Variants in GRIK1 observed in about 807,000 individuals in gnomAD.
GRIK1 encodes the protein glutamate ionotropic receptor kainate type subunit 1.
In GRIK1, 69 loss-of-function variants were observed where a neutral mutation model predicts 105.7. The observed-to-expected ratio is 0.65, with a 90% CI of 0.54 to 0.80. GRIK1 has a LOEUF of 0.80. GRIK1 is among the 30% of genes least tolerant of loss of function. The pLI, the probability that GRIK1 is intolerant of heterozygous loss-of-function variation, is 0.00. For synonymous variants in GRIK1, 438 were observed against 431.3 expected (o/e 1.02, Z -0.19); for missense variants, 1,109 against 1,167.3 (o/e 0.95, Z 0.73).
At chr21:29,595,436 C>T (rs1017239373) in intron 9 of GRIK1, among the ~76,000 whole-genome samples, 1 of 151,058 alleles carries the variant, frequency 6.6e-6, no homozygotes, top group Non-Finnish European at 1.5e-5. Context: ...TCTACATGCA[C>T]TTAGTAGCCT....
chr21:29,844,378 G>A lies in GRIK1; in HGVS notation c.118+95005C>T, dbSNP rs73897873. Among the ~76,000 whole-genome samples the A allele has an allele frequency of 6.2e-3, 945 of 152,182 alleles. 12 individuals carry two copies. Among genetic ancestry groups the A allele is most frequent in the African/African-American group, 0.021 (877 of 41,524 alleles). On this transcript the variant is annotated intron_variant, in intron 1 of 17. Transcript: ENST00000327783. ...AAACTCTCAGCTGGGGTCTACATAC[G>A]CCAGTAAAGAAAGGCCTCAAGCCCC...
chr21:29,608,802 C>T (rs947609720), intron 7 of GRIK1, among the ~76,000 whole-genome samples: 12 of 152,106 alleles, frequency 7.9e-5, no homozygotes, highest in African/African-American at 2.4e-4. Flanking sequence ...ATTGGCACTT[C>T]AAACAGTCAT....
chr21:29,774,659 C>T (rs1234677651), intron 1 of GRIK1, among the ~76,000 whole-genome samples: 1 of 151,972 alleles, frequency 6.6e-6, no homozygotes, highest in African/African-American at 2.4e-5. Context: ...ACCATATTGG[C>T]CAGGCTGGTC....
intron 1 of GRIK1, among the ~76,000 whole-genome samples, chr21:29,781,146 G>A (rs929169993): frequency 1.3e-5 from 2 of 152,020 alleles, no homozygotes; most frequent in South Asian, 2.1e-4. Context: ...ATGCACACAC[G>A]TATACACAAA....
intron 11 of GRIK1, among the ~76,000 whole-genome samples, chr21:29,588,575 A>G (rs2061282019): frequency 6.6e-6 from 1 of 152,186 alleles, no homozygotes; most frequent in South Asian, 2.1e-4. Context: ...TGTCAATTAA[A>G]TCTCTCCTTT....
intron 4 of GRIK1, among the ~76,000 whole-genome samples, chr21:29,655,363 G>A (rs370188151): frequency 6.5e-4 from 99 of 151,812 alleles, no homozygotes; most frequent in African/African-American, 2.2e-3. Flanking sequence ...AGCCCAGACT[G>A]TACCATTGCA....
chr21:29,575,583 C>T (rs1008727618), intron 14 of GRIK1, among the ~76,000 whole-genome samples: 1 of 152,048 alleles, frequency 6.6e-6, no homozygotes, highest in Non-Finnish European at 1.5e-5. Context: ...CTTGCAATTC[C>T]AGGACTTTGG....
chr21:29,693,974 T>C lies in GRIK1; in HGVS notation c.208A>G (p.Thr70Ala). 2 of 1,612,164 alleles carry C rather than the reference T, an allele frequency of 1.2e-6. No individual in the cohort carries two copies. The highest frequency in any genetic ancestry group is 3.3e-5 in the Admixed American group (2 of 60,006). Residue 70 changes from threonine (T) to alanine (A), a missense_variant, in exon 2 of 18, where the codon ACC (threonine) becomes GCC (alanine). Physicochemically the swap from Thr to Ala is moderately conservative, Grantham distance 58. This residue lies in a region of GRIK1 where 612 missense variants were observed against 586.0 expected (regional missense o/e 1.04). Coordinates refer to ENST00000327783, the MANE Select transcript of GRIK1 (RefSeq NM_001330994.2). The part of the protein sequence containing the change: ...FAVTSINRNR[T>A]LMPNTTLTYD... ...GTTAATGTGGTGTTAGGCATCAGGGTTCGGTTTCTGTTAATGCTGGTGACT... is the reference window on the plus strand; with the variant it reads ...GTTAATGTGGTGTTAGGCATCAGGGCTCGGTTTCTGTTAATGCTGGTGACT...
intron 1 of GRIK1, among the ~76,000 whole-genome samples, chr21:29,695,379 G>A (rs2063674749): frequency 1.3e-5 from 2 of 152,096 alleles, no homozygotes; most frequent in South Asian, 4.2e-4. Flanking sequence ...GTTAACTGAT[G>A]CTCATGGAAT....
chr21:29,698,451 GC>G (rs2063752048), intron 1 of GRIK1, among the ~76,000 whole-genome samples: 1 of 152,304 alleles, frequency 6.6e-6, no homozygotes, highest in Non-Finnish European at 1.5e-5. Flanking sequence ...TGAAGAACAA[GC>G]TTTTTCATTC....
intron 13 of GRIK1, 83 bp from the exon 14 acceptor site, chr21:29,577,264 G>A: frequency 1.3e-6 from 1 of 754,036 alleles, no homozygotes; most frequent in Non-Finnish European, 2.3e-6. Context: ...ATTCTAGGAA[G>A]ATCAACCTGT....
At chr21:29,579,415 A>T (rs577904239) in intron 13 of GRIK1, among the ~76,000 whole-genome samples, 2 of 152,316 alleles carry the variant, frequency 1.3e-5, no homozygotes, top group East Asian at 3.9e-4. Context: ...ACTAGAAAAT[A>T]TTTGGGATGA....
intron 1 of GRIK1, among the ~76,000 whole-genome samples, chr21:29,925,164 G>T (rs1311635120): frequency 1.3e-5 from 2 of 152,170 alleles, no homozygotes; most frequent in Non-Finnish European, 2.9e-5. Context: ...TTGATCGTAG[G>T]TATGCTATCT....
At chr21:29,707,450 C>CCCTTCCTTCCTTCCTTCCTT (rs1555875923) in intron 1 of GRIK1, among the ~76,000 whole-genome samples, 6 of 71,548 alleles carry the variant, frequency 8.4e-5, no homozygotes, top group African/African-American at 1.1e-4. Context: ...CTCCCTCCCT[C>CCCTTCCTTCCTTCCTTCCTT]CCTCCCTCCC....
At chr21:29,676,111 A>G (rs1443950177) in intron 3 of GRIK1, among the ~76,000 whole-genome samples, 3 of 152,222 alleles carry the variant, frequency 2.0e-5, no homozygotes, top group Non-Finnish European at 4.4e-5. Flanking sequence ...ATATTTTAAT[A>G]CCAATAGAGG....
chr21:29,731,020 A>C (rs1376835140), intron 1 of GRIK1, among the ~76,000 whole-genome samples: 1 of 152,202 alleles, frequency 6.6e-6, no homozygotes, highest in Non-Finnish European at 1.5e-5. Flanking sequence ...TTACTAGCTG[A>C]AGAAAAATGG....
chr21:29,721,345 T>G (rs1310915328), intron 1 of GRIK1, among the ~76,000 whole-genome samples: 2 of 152,152 alleles, frequency 1.3e-5, no homozygotes, highest in African/African-American at 4.8e-5. Flanking sequence ...GTCAAAGCTT[T>G]GGGGAACATT....
chr21:29,905,880 G>A (rs1017819098), intron 1 of GRIK1, among the ~76,000 whole-genome samples: 3 of 152,042 alleles, frequency 2.0e-5, no homozygotes, highest in Admixed American at 6.5e-5. Flanking sequence ...TCCCGACCTC[G>A]GCCTCCCAAA....
At chr21:29,614,832 C>T (rs900060083) in intron 7 of GRIK1, among the ~76,000 whole-genome samples, 2 of 151,542 alleles carry the variant, frequency 1.3e-5, no homozygotes, top group Non-Finnish European at 2.9e-5. Flanking sequence ...TATGTAGATG[C>T]TTCCCCAGAC....
Sources: gnomAD v4.1 joint callset for allele counts (sites outside exome capture counted in the v4.1 genomes callset) on GRCh38, gnomAD v4.1.1 for gene constraint, gnomAD v4.1.1 regional missense constraint, MANE v1.5 for transcripts, NCBI Gene and HGNC (gene_info 2026-07-23, HGNC 2026-07-21) for gene names.